Variants in TLR4 observed in about 807,000 individuals in gnomAD.
TLR4 encodes the protein toll like receptor 4, also known as toll-like receptor 4.
A neutral mutation model predicts 27.4 loss-of-function variants in TLR4; 17 were observed. The ratio of observed to expected loss-of-function variants is 0.62; its 90% CI spans 0.42 to 0.93. The LOEUF is 0.93. Ranked by LOEUF, TLR4 falls within the 40% of genes least tolerant of loss-of-function variation. TLR4 has a pLI of 0.00. For synonymous variants in TLR4, 363 were observed against 365.7 expected, an observed-to-expected ratio of 0.99 and a Z score of 0.08; for missense variants, 926 against 962.3, an observed-to-expected ratio of 0.96 and a Z score of 0.50.
rs1230542392 is a variant in TLR4 at position 117,717,920 on chromosome 9, G to A, written c.*3272G>A. 1 of 152,150 alleles carries A rather than the reference G, an allele frequency of 6.6e-6. No individual in the cohort carries two copies. Among genetic ancestry groups the A allele is most frequent in the Non-Finnish European group, 1.5e-5 (1 of 68,038 alleles). The allele number at this position is 152,150 out of a possible 1,614,324, so 9.4% of individuals were successfully genotyped here. A position where few individuals can be genotyped will look rare whatever the true frequency, so the allele number is the denominator to read the frequency against. Reference sequence around the variant, plus strand: ...GAACAGAAGGAGAAGAAAGAGTAAAGTCAGGCCTCAGCCAGCCTCTTTTTA... The same window carrying A: ...GAACAGAAGGAGAAGAAAGAGTAAAATCAGGCCTCAGCCAGCCTCTTTTTA... On this transcript the variant is annotated 3_prime_UTR_variant, in exon 3 of 3. Transcript: ENST00000355622.
Position 117,714,823 on chromosome 9 carries a change from A to C in TLR4, c.*175A>C. 2 of 661,462 alleles carry C rather than the reference A, an allele frequency of 3.0e-6. No homozygotes were observed. Among genetic ancestry groups the C allele is most frequent in the East Asian group, 5.5e-5 (2 of 36,590 alleles). The allele number at this position is 661,462 out of a possible 1,614,324, so 41.0% of individuals were successfully genotyped here. A position where few individuals can be genotyped will look rare whatever the true frequency, so the allele number is the denominator to read the frequency against. ...TCAAGGAGCTTCCAGTGCAGAGGGA[A>C]TAAATGCTAGACTAAAATACAGAGT... On this transcript the variant is annotated 3_prime_UTR_variant, in exon 3 of 3. Coordinates refer to ENST00000355622, the MANE Select transcript of TLR4 (RefSeq NM_138554.5).
Position 117,713,971 on chromosome 9 carries a change from A to T in TLR4, c.1843A>T (p.Lys615Ter). ...AATGGAATGTGCAACACCTTCAGAT[A>T]AGCAGGGCATGCCTGTGCTGAGTTT... ...ERMECATPSD[K>*]QGMPVLSLNI... Residue 615 changes from lysine to a stop codon, truncating the protein, a stop_gained, in exon 3 of 3, where the codon AAG becomes TAG. Transcript: ENST00000355622. LOFTEE classifies it high-confidence loss of function. 1 of 1,614,032 alleles carries T rather than the reference A, an allele frequency of 6.2e-7. No homozygotes were observed. Among genetic ancestry groups the T allele is most frequent in the Non-Finnish European group, 8.5e-7 (1 of 1,180,008 alleles).
intron 1 of TLR4, 150 bp downstream of exon 1, chr9:117,704,715 T>A (rs1829107663): frequency 1.3e-6 from 1 of 772,032 alleles, no homozygotes; most frequent in Non-Finnish European, 2.2e-6. Context: ...AATAATTCAT[T>A]GTTACAGGGC....
intron 2 of TLR4, among the ~76,000 whole-genome samples, chr9:117,711,317 A>G (rs1829227487): frequency 6.6e-6 from 1 of 152,222 alleles, no homozygotes; most frequent in Non-Finnish European, 1.5e-5. Context: ...AGGCTGGATT[A>G]AGAAAGAACT....
Position 117,713,715 on chromosome 9 carries a change from C to T in TLR4, c.1587C>T (p.His529=), listed in dbSNP as rs142755886. 44 of 1,613,890 alleles carry T rather than the reference C, an allele frequency of 2.7e-5. No homozygotes were observed. The highest frequency in any genetic ancestry group is 4.0e-5 in the African/African-American group (3 of 74,926). ...LSSLQVLNMS[H]NNFFSLDTFP... ...GTCTTCAGGTACTAAATATGAGCCACAACAACTTCTTTTCATTGGATACGT... is the reference window on the plus strand; with the variant it reads ...GTCTTCAGGTACTAAATATGAGCCATAACAACTTCTTTTCATTGGATACGT... Residue 529 remains histidine (H), a synonymous_variant, in exon 3 of 3, where the codon CAC becomes CAT. Coordinates refer to ENST00000355622, the MANE Select transcript of TLR4 (RefSeq NM_138554.5).
In TLR4 at chr9:117,714,459, C is replaced by G; in HGVS notation, c.2331C>G (p.Thr777=). The G allele has an allele frequency of 6.2e-7, 1 of 1,613,760 alleles. No homozygotes were observed. Among genetic ancestry groups the G allele is most frequent in the Non-Finnish European group, 8.5e-7 (1 of 1,180,012 alleles). The change falls in exon 3 of 3, where the codon ACC becomes ACG. Residue 777 remains threonine, a synonymous_variant. Transcript: ENST00000355622. ...IFIVLQKVEK[T]LLRQQVELYR... ...TTGTCCTGCAGAAGGTGGAGAAGAC[C>G]CTGCTCAGGCAGCAGGTGGAGCTGT...
At chr9:117,706,807 C>G (rs890483613) in intron 1 of TLR4, among the ~76,000 whole-genome samples, 1 of 152,174 alleles carries the variant, frequency 6.6e-6, no homozygotes. Context: ...TATTTTATGG[C>G]CCCTTGAGAT....
rs961703439 is a variant in TLR4, at chr9:117,718,291, T to C, written c.*3643T>C. The C allele has an allele frequency of 7.9e-5, 12 of 152,144 alleles. No individual in the cohort carries two copies. Among genetic ancestry groups the C allele is most frequent in the Admixed American group, 5.9e-4 (9 of 15,270 alleles). The allele number at this position is 152,144 out of a possible 1,614,324, so 9.4% of individuals were successfully genotyped here. A position where few individuals can be genotyped will look rare whatever the true frequency, so the allele number is the denominator to read the frequency against. On this transcript the variant is annotated 3_prime_UTR_variant, in exon 3 of 3. Coordinates refer to ENST00000355622, the MANE Select transcript of TLR4 (RefSeq NM_138554.5). ...TTGGCAAAACAGGAAGTGAAACTCCTGCAGTTTTCTGTGTGGTTGACACTA... is the reference window on the plus strand; with the variant it reads ...TTGGCAAAACAGGAAGTGAAACTCCCGCAGTTTTCTGTGTGGTTGACACTA...
rs200848339 is a variant in TLR4, at chr9:117,713,001, A to G, written c.873A>G (p.Ala291=). The G allele has an allele frequency of 5.8e-5, 94 of 1,614,132 alleles. 1 individual carries two copies. In the Middle Eastern group the frequency reaches 8.2e-4, roughly 14 times the overall value. Residue 291 remains alanine (A), a synonymous_variant, in exon 3 of 3, where the codon GCA becomes GCG. Transcript: ENST00000355622. Reference sequence around the variant, plus strand: ...TGACCATTGAAGAATTCCGATTAGCATACTTAGACTACTACCTCGATGATA... The same window carrying G: ...TGACCATTGAAGAATTCCGATTAGCGTACTTAGACTACTACCTCGATGATA... The part of the protein sequence containing the change: ...CNLTIEEFRL[A]YLDYYLDDII...
At chr9:117,705,202 T>C (rs762943776) in intron 1 of TLR4, among the ~76,000 whole-genome samples, 1 of 152,172 alleles carries the variant, frequency 6.6e-6, no homozygotes, top group Non-Finnish European at 1.5e-5. Context: ...CTTAGTGAAA[T>C]ACCAATCAGC....
At chr9:117,710,190 T>C (rs142958340) in intron 2 of TLR4, among the ~76,000 whole-genome samples, 303 of 152,150 alleles carry the variant, frequency 2.0e-3, no homozygotes, top group Middle Eastern at 6.8e-3. Flanking sequence ...TACCCAATAG[T>C]TAGTTTTTCA....
Position 117,718,149 on chromosome 9 carries a change from A to G in TLR4, c.*3501A>G, listed in dbSNP as rs1244941808. On this transcript the variant is annotated 3_prime_UTR_variant, in exon 3 of 3. Coordinates refer to ENST00000355622, the MANE Select transcript of TLR4 (RefSeq NM_138554.5). ...TTATTGATGGGAAAGCTGAAGTTCAATGAAGTAAATTTTTCAATAGCCCAC... is the reference window on the plus strand; with the variant it reads ...TTATTGATGGGAAAGCTGAAGTTCAGTGAAGTAAATTTTTCAATAGCCCAC... 6.6e-6 allele frequency: 1 copy of G among 152,162 alleles called. No individual in the cohort carries two copies. Among genetic ancestry groups the G allele is most frequent in the Non-Finnish European group, 1.5e-5 (1 of 68,024 alleles). The allele number at this position is 152,162 out of a possible 1,614,324, so 9.4% of individuals were successfully genotyped here.
rs938598632 is a variant in TLR4, at chr9:117,720,493, A to G, written c.*5845A>G. The stretch of plus-strand genomic sequence containing the variant: ...TTGGCACAAATTGTCCTGTCCTAAT[A>G]GTCTTGATTATAATTATAAAATAAT... On this transcript the variant is annotated 3_prime_UTR_variant, in exon 3 of 3. Transcript: ENST00000355622. 2 of 152,150 alleles carry G rather than the reference A, an allele frequency of 1.3e-5. No homozygotes were observed. The highest frequency in any genetic ancestry group is 4.8e-5 in the African/African-American group (2 of 41,418). 9.4% of individuals were successfully genotyped at this position (152,150 alleles called of 1,614,324 possible). A position where few individuals can be genotyped will look rare whatever the true frequency, so the allele number is the denominator to read the frequency against.
rs188543451 is a variant in TLR4 at position 117,712,541 on chromosome 9, T to C, written c.413T>C (p.Leu138Pro). Reference protein sequence around the residue: ...LQKLVAVETNLASLENFPIGH... With the variant: ...LQKLVAVETNPASLENFPIGH... ...AAGCTGGTGGCTGTGGAGACAAATC[T>C]AGCATCTCTAGAGAACTTCCCCATT... Residue 138 changes from leucine (L) to proline (P), a missense_variant, in exon 3 of 3, where the codon CTA becomes CCA. By Grantham distance (98) the Leu-to-Pro change is moderately conservative. Coordinates refer to ENST00000355622, the MANE Select transcript of TLR4 (RefSeq NM_138554.5). The C allele has an allele frequency of 2.1e-5, 34 of 1,614,004 alleles. No individual in the cohort carries two copies. In the East Asian group the frequency reaches 6.7e-4, roughly 32 times the overall value.
At chr9:117,705,728 A>G (rs1446125521) in intron 1 of TLR4, among the ~76,000 whole-genome samples, 3 of 152,118 alleles carry the variant, frequency 2.0e-5, no homozygotes, top group Non-Finnish European at 4.4e-5. Flanking sequence ...TTCATTCTGC[A>G]CGTTCTTGTT....
In TLR4 at chr9:117,713,474, T is replaced by C; in HGVS notation, c.1346T>C (p.Leu449Pro). 1 of 1,614,108 alleles carries C rather than the reference T, an allele frequency of 6.2e-7. No homozygotes were observed. The highest frequency in any genetic ancestry group is 1.1e-5 in the South Asian group (1 of 91,080). Residue 449 changes from leucine (L) to proline (P), a missense_variant, in exon 3 of 3, where the codon CTC (leucine) becomes CCC (proline). Physicochemically the swap from Leu to Pro is moderately conservative, Grantham distance 98. Coordinates refer to ENST00000355622, the MANE Select transcript of TLR4 (RefSeq NM_138554.5). ...TCAGTATTCCTATCACTCAGAAACC[T>C]CATTTACCTTGACATTTCTCATACT... ...EFSVFLSLRNLIYLDISHTHT... is the reference protein window; with the variant it reads ...EFSVFLSLRNPIYLDISHTHT...
At position 117,714,676 on chromosome 9, in the gene TLR4, A is replaced by G. The variant is rs201942628; in HGVS notation, c.*28A>G. 93 of 1,599,718 alleles carry G rather than the reference A, an allele frequency of 5.8e-5. 1 individual carries two copies. Among genetic ancestry groups the G allele is most frequent in the Middle Eastern group, 4.4e-4 (2 of 4,534 alleles). ...AGGAAAAATAAAAACCTCCTGAGGC[A>G]TTTCTTGCCCAGCTGGGTCCAACAC... On this transcript the variant is annotated 3_prime_UTR_variant, in exon 3 of 3. Transcript: ENST00000355622.
chr9:117,713,024 A>T lies in TLR4; in HGVS notation c.896A>T (p.Asp299Val), dbSNP rs4986790. Reference protein sequence around the residue: ...RLAYLDYYLDDIIDLFNCLTN... With the variant: ...RLAYLDYYLDVIIDLFNCLTN... ...GCATACTTAGACTACTACCTCGATG[A>T]TATTATTGACTTATTTAATTGTTTG... Residue 299 changes from aspartate (D) to valine (V), a missense_variant, in exon 3 of 3, where the codon GAT becomes GTT. Physicochemically the swap from Asp to Val is radical, Grantham distance 152. Coordinates refer to ENST00000355622, the MANE Select transcript of TLR4 (RefSeq NM_138554.5). 1 of 1,613,758 alleles carries T rather than the reference A, an allele frequency of 6.2e-7. No individual in the cohort carries two copies. The highest frequency in any genetic ancestry group is 1.3e-5 in the African/African-American group (1 of 74,892).
At position 117,719,516 on chromosome 9, in the gene TLR4, T is replaced by C. The variant is rs1036981636; in HGVS notation, c.*4868T>C. 1.2e-4 allele frequency: 19 copies of C among 152,182 alleles called. No individual in the cohort carries two copies. Among genetic ancestry groups the C allele is most frequent in the African/African-American group, 3.9e-4 (16 of 41,456 alleles). 9.4% of individuals were successfully genotyped at this position (152,182 alleles called of 1,614,324 possible). A position where few individuals can be genotyped will look rare whatever the true frequency, so the allele number is the denominator to read the frequency against. On this transcript the variant is annotated 3_prime_UTR_variant, in exon 3 of 3. Transcript: ENST00000355622. ...TATTAAACAAAGAGAAGTATTATTA[T>C]TATTACTTGTTTTTATTTATATTAC...
Sources: allele counts gnomAD v4.1 joint callset (sites outside exome capture counted in the v4.1 genomes callset), GRCh38; gene constraint gnomAD v4.1.1; transcripts MANE v1.5; gene names NCBI Gene and HGNC (gene_info 2026-07-23, HGNC 2026-07-21).